The following NBPF8 variants were observed in gnomAD, a reference collection of about 807,000 sequenced individuals.
NBPF8 encodes the protein NBPF member 8, also known as NBPF family member NBPF8.
At chr1:120,467,785 G>T (rs1201531303), downstream of NBPF8, 1 of 152,120 alleles carries the variant, frequency 6.6e-6, no homozygotes, top group Non-Finnish European at 1.5e-5. Flanking sequence ...TATAATATTT[G>T]ATTATGCTGA....
chr1:120,454,136 T>C, intron 15 of NBPF8, 22 bp downstream of exon 13: 1 of 1,609,746 alleles, frequency 6.2e-7, no homozygotes, highest in Non-Finnish European at 8.5e-7. Context: ...TTTCCTTGTG[T>C]CTCATACCTC....
intron 12 of NBPF8, 99 bp from the exon 11 acceptor site, chr1:120,452,018 G>T: frequency 3.8e-6 from 5 of 1,327,554 alleles, no homozygotes; most frequent in Non-Finnish European, 4.3e-6. Context: ...CTGTTTCAAG[G>T]TCTCCTTGAG....
upstream of NBPF8, among the ~76,000 whole-genome samples, chr1:120,415,134 G>A (rs1660393588): frequency 6.6e-6 from 1 of 152,192 alleles, no homozygotes; most frequent in African/African-American, 2.4e-5. Flanking sequence ...GCGAGGCTGC[G>A]TGAGCATCTG....
At chr1:120,418,848 AT>A (rs1459647374), upstream of NBPF8, among the ~76,000 whole-genome samples, 3 of 151,480 alleles carry the variant, frequency 2.0e-5, no homozygotes, top group African/African-American at 7.3e-5. Context: ...ACCGCTGGCC[AT>A]TTTAGTTTTA....
intron 22 of NBPF8, among the ~76,000 whole-genome samples, 193 bp from the exon 21 acceptor site, chr1:120,464,177 GTCTGTC>G (rs1182286140): frequency 1.6e-3 from 182 of 110,342 alleles, no homozygotes; most frequent in Non-Finnish European, 2.0e-3. Context: ...GTGTGTGTGT[GTCTGTC>G]TGTCTTTCTC....
downstream of NBPF8, among the ~76,000 whole-genome samples, chr1:120,468,933 C>T (rs1661827804): frequency 6.6e-6 from 1 of 152,018 alleles, no homozygotes; most frequent in Admixed American, 6.6e-5. Flanking sequence ...TTCCCTAGCC[C>T]TGGTGTTTAG....
chr1:120,454,565 C>A (rs1661379962), intron 15 of NBPF8, among the ~76,000 whole-genome samples: 1 of 152,136 alleles, frequency 6.6e-6, no homozygotes, highest in Non-Finnish European at 1.5e-5. Flanking sequence ...GCTTGCTTAG[C>A]TGCACAGTCA....
At chr1:120,467,671 C>T (rs1661774601) in exon 25 of NBPF8, 1 of 149,674 alleles carries the variant, frequency 6.7e-6, no homozygotes, top group East Asian at 2.0e-4. Flanking sequence ...AGAAAACATT[C>T]TCTGCCTGAG....
intron 23 of NBPF8, 43 bp downstream of exon 21, chr1:120,464,591 T>A (rs2101701499): frequency 1.3e-6 from 1 of 786,558 alleles, no homozygotes; most frequent in African/African-American, 1.7e-5. Flanking sequence ...CACTGAGTCT[T>A]CCATATAAAG....
chr1:120,415,217 C>T (rs1553244910), upstream of NBPF8, among the ~76,000 whole-genome samples: 90 of 152,280 alleles, frequency 5.9e-4, no homozygotes, highest in African/African-American at 2.1e-3. Context: ...GCGCGGCGCA[C>T]GGATGCCATC....
chr1:120,464,165 G>A (rs1661672167), intron 22 of NBPF8, among the ~76,000 whole-genome samples: 3 of 113,326 alleles, frequency 2.6e-5, no homozygotes, highest in Non-Finnish European at 5.2e-5. Flanking sequence ...GTGTGTGTGT[G>A]TGTGTGTGTG....
At chr1:120,435,948 A>T (rs1432614900), upstream of NBPF8, among the ~76,000 whole-genome samples, 1 of 152,034 alleles carries the variant, frequency 6.6e-6, no homozygotes, top group East Asian at 1.9e-4. Context: ...CCATTAAGAA[A>T]ATATAACCTG....
Position 120,460,521 on chromosome 1 carries a change from G to C in NBPF8, n.2785-52G>C. The stretch of plus-strand genomic sequence containing the variant: ...GGATTGGACAGAGGAATGTTTCTGT[G>C]TGCAAGGAAGAACTGCTTAATGTAA... On this transcript the variant is annotated intron_variant and non_coding_transcript_variant, in intron 17 of 24. Transcript: ENST00000583271. 3.0e-6 allele frequency: 3 copies of C among 1,011,348 alleles called. No homozygotes were observed. The South Asian group carries it at 3.8e-5, about 13-fold the overall frequency. 62.6% of individuals were successfully genotyped at this position (1,011,348 alleles called of 1,614,324 possible).
chr1:120,456,045 G>A (rs1320183615), intron 16 of NBPF8, among the ~76,000 whole-genome samples: 1 of 152,002 alleles, frequency 6.6e-6, no homozygotes, highest in Non-Finnish European at 1.5e-5. Flanking sequence ...TCATTCAGGA[G>A]CAGGTTGTTC....
chr1:120,435,718 T>G (rs1661053326), upstream of NBPF8, among the ~76,000 whole-genome samples: 1 of 151,416 alleles, frequency 6.6e-6, no homozygotes, highest in African/African-American at 2.4e-5. Context: ...AAAGAAAAAT[T>G]AGCCAGGCGT....
Position 120,454,128 on chromosome 1 carries a change from T to A in NBPF8, n.2568+14T>A, listed in dbSNP as rs1178553225. 123 of 1,611,732 alleles carry A rather than the reference T, an allele frequency of 7.6e-5. No homozygotes were observed. The highest frequency in any genetic ancestry group is 9.9e-5 in the Non-Finnish European group (117 of 1,179,282). On this transcript the variant is annotated intron_variant and non_coding_transcript_variant, in intron 15 of 24. Coordinates refer to ENST00000583271, the Ensembl canonical transcript of NBPF8. ...ACATTATTCCAGGTAGCCTCTGTTT[T>A]CCTTGTGTCTCATACCTCTCTCTAG... is the stretch of plus-strand genomic sequence containing the variant.
At chr1:120,415,457 T>C (rs1553245015), upstream of NBPF8, among the ~76,000 whole-genome samples, 70 of 152,262 alleles carry the variant, frequency 4.6e-4, no homozygotes, top group African/African-American at 1.7e-3. Flanking sequence ...GATTCCTCGC[T>C]TGCCGCTGCC....
At chr1:120,452,681 A>G (rs1661315402) in intron 13 of NBPF8, among the ~76,000 whole-genome samples, 3 of 152,268 alleles carry the variant, frequency 2.0e-5, no homozygotes, top group African/African-American at 7.2e-5. Flanking sequence ...CTTTTCGGCA[A>G]TGTTCTTAGT....
chr1:120,431,694 G>T (rs1553247084), upstream of NBPF8, among the ~76,000 whole-genome samples: 1 of 151,258 alleles, frequency 6.6e-6, no homozygotes, highest in Non-Finnish European at 1.5e-5. Flanking sequence ...AAAATGGTAT[G>T]GCTCCTTTGA....
Sources: allele counts gnomAD v4.1 joint callset (sites outside exome capture counted in the v4.1 genomes callset), GRCh38; gene constraint gnomAD v4.1.1; transcripts MANE v1.5; gene names NCBI Gene and HGNC (gene_info 2026-07-23, HGNC 2026-07-21).